The following NRXN1 variants were observed in gnomAD, a reference collection of about 807,000 sequenced individuals.
The protein encoded by NRXN1 is neurexin 1.
In NRXN1, 39 loss-of-function variants were observed where a neutral mutation model predicts 150.9. The observed-to-expected ratio is 0.26, with a 90% CI of 0.20 to 0.34. The LOEUF (loss-of-function observed/expected upper bound fraction) is 0.34. Among genes scored for constraint, NRXN1 ranks in the 10% least tolerant of loss-of-function variants. NRXN1 has a pLI of 1.00. For synonymous variants in NRXN1, 924 were observed against 757.0 expected (o/e 1.22, Z -3.62); for missense variants, 1,815 against 1,949.9 (o/e 0.93, Z 1.30).
At chr2:49,977,747 T>C (rs1054084288) in intron 21 of NRXN1, among the ~76,000 whole-genome samples, 2 of 152,206 alleles carry the variant, frequency 1.3e-5, no homozygotes, top group African/African-American at 2.4e-5. Context: ...AATGCTGTGA[T>C]AGGTCAAGTT....
chr2:50,266,982 G>A (rs2068975052), intron 17 of NRXN1, among the ~76,000 whole-genome samples: 1 of 152,090 alleles, frequency 6.6e-6, no homozygotes, highest in Admixed American at 6.6e-5. Flanking sequence ...GCTACCTAGG[G>A]AATTAATTAT....
At chr2:50,164,114 T>G (rs1263154896) in intron 18 of NRXN1, among the ~76,000 whole-genome samples, 1 of 152,238 alleles carries the variant, frequency 6.6e-6, no homozygotes, top group African/African-American at 2.4e-5. Context: ...AATTCCATTA[T>G]GACCAATATC....
intron 5 of NRXN1, among the ~76,000 whole-genome samples, chr2:50,847,290 A>G (rs957512817): frequency 6.6e-6 from 1 of 152,194 alleles, no homozygotes; most frequent in Non-Finnish European, 1.5e-5. Flanking sequence ...AATTGTGACC[A>G]GAACCCCATC....
At chr2:50,079,990 C>A (rs1487456249) in intron 19 of NRXN1, among the ~76,000 whole-genome samples, 1 of 151,980 alleles carries the variant, frequency 6.6e-6, no homozygotes, top group African/African-American at 2.4e-5. Flanking sequence ...AAATGGCATG[C>A]AATTTAAATA....
At chr2:50,274,173 A>C (rs917093681) in intron 17 of NRXN1, among the ~76,000 whole-genome samples, 1 of 152,234 alleles carries the variant, frequency 6.6e-6, no homozygotes, top group South Asian at 2.1e-4. Context: ...TGGCACATAT[A>C]CACCATGGAA....
intron 5 of NRXN1, among the ~76,000 whole-genome samples, chr2:50,657,234 C>T (rs11125323): frequency 0.017 from 2,511 of 152,066 alleles, 71 homozygotes; most frequent in African/African-American, 0.056. Context: ...ATAAGCCAGA[C>T]AGTTCCCTGG....
intron 5 of NRXN1, among the ~76,000 whole-genome samples, chr2:50,817,818 A>T (rs573213147): frequency 1.2e-4 from 18 of 152,142 alleles, no homozygotes; most frequent in African/African-American, 3.9e-4. Context: ...CATGATAAAA[A>T]CACTTAACAA....
Position 50,552,643 on chromosome 2 carries a change from T to C in NRXN1, c.1703A>G (p.Lys568Arg). 6.2e-7 allele frequency: 1 copy of C among 1,613,956 alleles called. No homozygotes were observed. Among genetic ancestry groups the C allele is most frequent in the African/African-American group, 1.3e-5 (1 of 75,054 alleles). ...ATACCATTCTCCATCATTCACTTTC[T>C]TCAACAGGGCTTTTATTTTTATAGT... ...SGTIKIKALLKKVNDGEWYHV... is the reference protein window; with the variant it reads ...SGTIKIKALLRKVNDGEWYHV... The change falls in exon 9 of 23, where the codon AAG becomes AGG. Residue 568 changes from lysine (K) to arginine (R), a missense_variant. Physicochemically the swap from Lys to Arg is conservative, Grantham distance 26. Coordinates refer to ENST00000401669, the MANE Select transcript of NRXN1 (RefSeq NM_001330078.2).
chr2:50,065,124 C>A (rs1047973844), intron 19 of NRXN1, among the ~76,000 whole-genome samples: 2 of 152,044 alleles, frequency 1.3e-5, no homozygotes, highest in Non-Finnish European at 1.5e-5. Context: ...AAAGGACCAC[C>A]AGAAAATAAG....
At chr2:50,374,847 G>A (rs909571522) in intron 17 of NRXN1, among the ~76,000 whole-genome samples, 1 of 152,112 alleles carries the variant, frequency 6.6e-6, no homozygotes, top group Non-Finnish European at 1.5e-5. Flanking sequence ...ACAGGTTTCT[G>A]TAAAAGCTTT....
rs188220662 is a variant in NRXN1, at chr2:49,942,007, T to C, written c.4216+1697A>G. Among the ~76,000 whole-genome samples the C allele has an allele frequency of 2.6e-5, 4 of 152,276 alleles. No individual in the cohort carries two copies. In the East Asian group the frequency reaches 7.7e-4, roughly 29 times the overall value. ...CAATGACTTTTTTTGTTGTTGTTGT[T>C]GCTAACTAACAGATTAAGCATACCA... On this transcript the variant is annotated intron_variant, in intron 22 of 22. Transcript: ENST00000401669.
chr2:50,951,068 A>C (rs1173993984), intron 2 of NRXN1, among the ~76,000 whole-genome samples: 2 of 152,200 alleles, frequency 1.3e-5, no homozygotes, highest in Non-Finnish European at 2.9e-5. Flanking sequence ...GTAGTAATAT[A>C]CTGGGAATTA....
intron 21 of NRXN1, among the ~76,000 whole-genome samples, chr2:49,967,583 T>C (rs1243508142): frequency 6.6e-6 from 1 of 152,130 alleles, no homozygotes; most frequent in African/African-American, 2.4e-5. Context: ...AAAACAAGCA[T>C]ATACTTTTCT....
chr2:50,376,046 T>TATATACACACAC, intron 17 of NRXN1, among the ~76,000 whole-genome samples: 1 of 148,734 alleles, frequency 6.7e-6, no homozygotes, highest in South Asian at 2.2e-4. Context: ...CATATATATA[T>TATATACACACAC]ACACACACAC....
chr2:50,904,991 T>C (rs1683470029), intron 5 of NRXN1, among the ~76,000 whole-genome samples: 1 of 152,064 alleles, frequency 6.6e-6, no homozygotes, highest in Non-Finnish European at 1.5e-5. Flanking sequence ...ATTCATTCAT[T>C]TTTTTTATTA....
chr2:51,031,017 G>T (rs1671458871), intron 1 of NRXN1, among the ~76,000 whole-genome samples: 1 of 151,868 alleles, frequency 6.6e-6, no homozygotes, highest in Admixed American at 6.6e-5. Context: ...TTTAAGGGAT[G>T]GTGGAAGAGA....
At chr2:49,936,816 GT>G (rs1671116923) in intron 22 of NRXN1, among the ~76,000 whole-genome samples, 1 of 149,888 alleles carries the variant, frequency 6.7e-6, no homozygotes, top group Non-Finnish European at 1.5e-5. Context: ...AAAAACATAT[GT>G]ACACACACAC....
chr2:50,296,950 C>T (rs1879343), intron 17 of NRXN1, among the ~76,000 whole-genome samples: 127,810 of 149,842 alleles, frequency 0.85, 54,628 homozygotes, highest in Middle Eastern at 0.89. Context: ...TGGCACAACC[C>T]TGGCTCACTG....
At chr2:50,066,355 A>G (rs2152656738) in intron 19 of NRXN1, among the ~76,000 whole-genome samples, 1 of 152,334 alleles carries the variant, frequency 6.6e-6, no homozygotes, top group African/African-American at 2.4e-5. Context: ...AGTTCAAGAT[A>G]ATAGATAATG....
Sources: gnomAD v4.1 joint callset for allele counts (sites outside exome capture counted in the v4.1 genomes callset) on GRCh38, gnomAD v4.1.1 for gene constraint, MANE v1.5 for transcripts, NCBI Gene and HGNC (gene_info 2026-07-23, HGNC 2026-07-21) for gene names.